TRPC5: variants seen among roughly 807,000 people sequenced by gnomAD.
The protein encoded by TRPC5 is transient receptor potential cation channel subfamily C member 5, also known as short transient receptor potential channel 5.
TRPC5 carries 9 observed loss-of-function variants against 56.5 expected under a neutral mutation model. That is an observed-to-expected ratio of 0.16 (90% CI 0.10 to 0.28). The LOEUF is 0.28. TRPC5 is among the 10% of genes least tolerant of loss of function. The pLI is 1.00. For synonymous variants in TRPC5, 282 were observed against 278.5 expected (o/e 1.01, Z -0.13); for missense variants, 469 against 748.9 (o/e 0.63, Z 4.36).
At chrX:111,800,459 G>A (rs1437700273) in intron 7 of TRPC5, among the ~76,000 whole-genome samples, 1 of 111,122 alleles carries the variant, frequency 9.0e-6, no homozygotes, top group African/African-American at 3.3e-5. Context: ...GTGACGCTCT[G>A]TCTCTACTAA....
intron 3 of TRPC5, among the ~76,000 whole-genome samples, chrX:111,854,504 G>A (rs745538555): frequency 6.3e-5 from 7 of 111,465 alleles, no homozygotes; most frequent in Non-Finnish European, 1.1e-4. Context: ...GAGACTCTGG[G>A]GTGTGGATGG....
At chrX:111,924,836 C>T (rs757953197) in intron 2 of TRPC5, among the ~76,000 whole-genome samples, 1 of 112,483 alleles carries the variant, frequency 8.9e-6, no homozygotes, top group Non-Finnish European at 1.9e-5. Flanking sequence ...GCATAGTCCT[C>T]CAGAGCAGCA....
chrX:111,789,219 A>G (rs1365223611), intron 7 of TRPC5, among the ~76,000 whole-genome samples: 1 of 111,842 alleles, frequency 8.9e-6, no homozygotes, highest in Non-Finnish European at 1.9e-5. Context: ...AAACAGATAT[A>G]TAGACCAATG....
rs188863989 is a variant in TRPC5, at chrX:111,993,245, G to A, written c.-21-40804C>T. ...AGGACATGAACTCATCCTTCTTTAC[G>A]GCTGCATAGTATTCCATGGTGTATA... is the stretch of plus-strand genomic sequence containing the variant. On this transcript the variant is annotated intron_variant, in intron 1 of 10. Transcript: ENST00000262839. Among the ~76,000 whole-genome samples the A allele has an allele frequency of 5.1e-3, 564 of 111,089 alleles. 7 individuals carry two copies. Among genetic ancestry groups the A allele is most frequent in the African/African-American group, 0.017 (505 of 30,542 alleles).
chrX:111,995,740 A>G (rs1357503791), intron 1 of TRPC5, among the ~76,000 whole-genome samples: 2 of 111,478 alleles, frequency 1.8e-5, no homozygotes, highest in Admixed American at 1.9e-4. Flanking sequence ...TAGATTTTCT[A>G]GTTTATTTGC....
intron 1 of TRPC5, among the ~76,000 whole-genome samples, chrX:112,044,193 C>T (rs1748324038): frequency 1.8e-5 from 2 of 111,348 alleles, no homozygotes; most frequent in African/African-American, 6.5e-5. Flanking sequence ...GCACTTACTG[C>T]CACCTGTTGT....
At chrX:112,038,222 T>G (rs1370836131) in intron 1 of TRPC5, among the ~76,000 whole-genome samples, 1 of 111,874 alleles carries the variant, frequency 8.9e-6, no homozygotes, top group African/African-American at 3.2e-5. Context: ...GTGTAGAAAT[T>G]TACGTCGTTA....
At chrX:112,056,737 T>C (rs1930349266) in intron 1 of TRPC5, among the ~76,000 whole-genome samples, 1 of 112,154 alleles carries the variant, frequency 8.9e-6, no homozygotes, top group Non-Finnish European at 1.9e-5. Context: ...TCTAACTCTG[T>C]TTTTAGAGAG....
chrX:111,793,978 A>G (rs987000314), intron 7 of TRPC5, among the ~76,000 whole-genome samples: 15 of 111,717 alleles, frequency 1.3e-4, no homozygotes, highest in East Asian at 2.8e-4. Context: ...CTATGATTCA[A>G]TTTCTATGAA....
At chrX:112,019,636 C>T (rs996542811) in intron 1 of TRPC5, among the ~76,000 whole-genome samples, 1 of 111,428 alleles carries the variant, frequency 9.0e-6, no homozygotes, top group East Asian at 2.8e-4. Flanking sequence ...GGGATTTCAC[C>T]GTGTTAGCCA....
chrX:111,960,203 A>G (rs772166546), intron 1 of TRPC5, among the ~76,000 whole-genome samples: 1 of 112,203 alleles, frequency 8.9e-6, no homozygotes, highest in East Asian at 2.8e-4. Flanking sequence ...TTCTGACTCT[A>G]AAAGGACTAT....
At chrX:111,879,752 G>C (rs762879869) in intron 3 of TRPC5, among the ~76,000 whole-genome samples, 155 of 112,539 alleles carry the variant, frequency 1.4e-3, no homozygotes, top group Middle Eastern at 9.3e-3. Flanking sequence ...TTTTTACAGA[G>C]AAAGAAATAT....
chrX:111,839,107 C>A (rs778818453), intron 6 of TRPC5, among the ~76,000 whole-genome samples: 3 of 111,901 alleles, frequency 2.7e-5, no homozygotes, highest in African/African-American at 9.8e-5. Flanking sequence ...CCTGCTATTT[C>A]TCATTCCACT....
chrX:111,912,408 G>A lies in TRPC5; in HGVS notation c.783C>T (p.Ser261=), dbSNP rs765373258. The change falls in exon 3 of 11, where the codon AGC becomes AGT. Residue 261 remains serine (S), a synonymous_variant. Transcript: ENST00000262839. ...TGAGGATGATCTCCAGTTCCCTGGA[G>A]CTCCGAGCTTGGTCCAGCAGGTCTT... is the stretch of plus-strand genomic sequence containing the variant. ...FAKDLLDQAR[S]SRELEIILNH... The A allele has an allele frequency of 1.1e-5, 13 of 1,209,623 alleles. No individual in the cohort carries two copies. In the African/African-American group the frequency reaches 1.9e-4, roughly 18 times the overall value.
chrX:112,050,884 G>T, intron 1 of TRPC5, among the ~76,000 whole-genome samples: 1 of 112,425 alleles, frequency 8.9e-6, no homozygotes, highest in Middle Eastern at 4.6e-3. Context: ...TTCTAAGTGG[G>T]CCAAAAATCA....
intron 2 of TRPC5, among the ~76,000 whole-genome samples, chrX:111,915,178 C>A (rs1213149198): frequency 1.8e-5 from 2 of 111,501 alleles, no homozygotes; most frequent in African/African-American, 6.5e-5. Context: ...ACAGCAGTAC[C>A]CGTGAATAGT....
At chrX:111,822,282 G>A (rs139212356) in intron 7 of TRPC5, among the ~76,000 whole-genome samples, 2,534 of 111,235 alleles carry the variant, frequency 0.023, 29 homozygotes, top group Non-Finnish European at 0.034. Context: ...TAAGGGATTG[G>A]ACATACTCAT....
chrX:112,061,882 A>G, intron 1 of TRPC5, among the ~76,000 whole-genome samples: 1 of 112,170 alleles, frequency 8.9e-6, no homozygotes, highest in Non-Finnish European at 1.9e-5. Context: ...AAGTGAACTT[A>G]TAACTGGAAG....
chrX:111,886,723 C>G (rs1390340543), intron 3 of TRPC5, among the ~76,000 whole-genome samples: 1 of 112,055 alleles, frequency 8.9e-6, no homozygotes, highest in Non-Finnish European at 1.9e-5. Flanking sequence ...CTCTCTGGTA[C>G]TGTGGATTCA....
Sources: gnomAD v4.1 joint callset for allele counts (sites outside exome capture counted in the v4.1 genomes callset) on GRCh38, gnomAD v4.1.1 for gene constraint, MANE v1.5 for transcripts, NCBI Gene and HGNC (gene_info 2026-07-23, HGNC 2026-07-21) for gene names.